The following ZFHX3 variants were observed in gnomAD, a reference collection of about 807,000 sequenced individuals.
ZFHX3 encodes the protein zinc finger homeobox 3.
ZFHX3 carries 42 observed loss-of-function variants against 279.1 expected under a neutral mutation model. The observed-to-expected ratio is 0.15, with a 90% CI of 0.12 to 0.19. ZFHX3 has a LOEUF of 0.19. Among genes scored for constraint, ZFHX3 ranks in the 10% least tolerant of loss-of-function variants. The pLI is 1.00. For synonymous variants in ZFHX3, 2,293 were observed against 1,957.8 expected, an observed-to-expected ratio of 1.17 and a Z score of -4.52; for missense variants, 4,981 against 4,754.0, an observed-to-expected ratio of 1.05 and a Z score of -1.40.
intron 1 of ZFHX3, among the ~76,000 whole-genome samples, chr16:73,863,959 A>G (rs75084796): frequency 0.022 from 3,370 of 152,258 alleles, 99 homozygotes; most frequent in African/African-American, 0.07. Context: ...ACAAGTACCC[A>G]TCACTCCCAC....
At position 72,960,020 on chromosome 16, in the gene ZFHX3, G is replaced by A. The variant is rs773642965; in HGVS notation, c.126C>T (p.Ser42=). The A allele has an allele frequency of 2.4e-5, 38 of 1,613,898 alleles. 1 individual carries two copies. In the South Asian group the frequency reaches 2.6e-4, roughly 11 times the overall value. ...LPDKPSSMEQ[S]TGESHGPLDS... ...CCAAGGGCCCGTGGCTCTCGCCTGT[G>A]GACTGCTCCATGCTACTGGGTTTGT... Residue 42 remains serine, a synonymous_variant, in exon 2 of 10, where the codon TCC becomes TCT. Transcript: ENST00000268489.
At chr16:73,134,224 C>T (rs60753786) in intron 6 of ZFHX3, among the ~76,000 whole-genome samples, 1 of 151,364 alleles carries the variant, frequency 6.6e-6, no homozygotes, top group East Asian at 2.0e-4. Flanking sequence ...CCACTCACAA[C>T]TCAGATGACC....
intron 1 of ZFHX3, among the ~76,000 whole-genome samples, chr16:72,965,793 A>T (rs1961806749): frequency 6.6e-6 from 1 of 152,228 alleles, no homozygotes. Context: ...ATATACTGTA[A>T]GTTCTTCATA....
At chr16:73,642,393 T>G (rs957610218) in intron 2 of ZFHX3, among the ~76,000 whole-genome samples, 3 of 152,200 alleles carry the variant, frequency 2.0e-5, no homozygotes, top group Non-Finnish European at 2.9e-5. Context: ...GCTCTCTTTT[T>G]ACTTCTGTCA....
At chr16:73,436,879 C>T (rs2018008891) in intron 3 of ZFHX3, among the ~76,000 whole-genome samples, 1 of 152,122 alleles carries the variant, frequency 6.6e-6, no homozygotes, top group Admixed American at 6.5e-5. Context: ...TAGAGCTTCC[C>T]AAGACCCTCC....
In ZFHX3 at chr16:72,786,882, G is replaced by A. The variant is rs1038883541; in HGVS notation, c.*282C>T. On this transcript the variant is annotated 3_prime_UTR_variant, in exon 10 of 10. Transcript: ENST00000268489. The stretch of plus-strand genomic sequence containing the variant: ...CATTAGGGAGGCCCTGCGGACTTCT[G>A]TTTCCCAGACCAATAGTACCTTCAA... The A allele has an allele frequency of 1.1e-4, 22 of 194,740 alleles. No homozygotes were observed. The highest frequency in any genetic ancestry group is 4.9e-4 in the African/African-American group (21 of 42,452). 12.1% of individuals were successfully genotyped at this position (194,740 alleles called of 1,614,324 possible).
intron 5 of ZFHX3, among the ~76,000 whole-genome samples, chr16:73,171,105 C>G (rs1967511825): frequency 6.6e-6 from 1 of 152,128 alleles, no homozygotes; most frequent in Admixed American, 6.5e-5. Context: ...TTCCAAAGAG[C>G]CTCTCAAATA....
At chr16:73,607,785 G>A (rs1272604430) in intron 2 of ZFHX3, among the ~76,000 whole-genome samples, 1 of 152,178 alleles carries the variant, frequency 6.6e-6, no homozygotes, top group Non-Finnish European at 1.5e-5. Flanking sequence ...ATGGGAGAAG[G>A]TCCTGTGCGG....
At chr16:73,837,475 T>C (rs1961172362) in intron 1 of ZFHX3, among the ~76,000 whole-genome samples, 2 of 152,200 alleles carry the variant, frequency 1.3e-5, no homozygotes, top group Non-Finnish European at 2.9e-5. Context: ...ACTTTAAATA[T>C]GTTAAAGGTG....
rs11864579 is a variant in ZFHX3, at chr16:73,038,190, G to C, written c.-50+9562C>G. 7.0e-3 allele frequency among the ~76,000 whole-genome samples: 1,063 copies of C among 152,136 alleles called. 8 individuals carry two copies. The highest frequency in any genetic ancestry group is 0.02 in the African/African-American group (844 of 41,494). Reference sequence around the variant, plus strand: ...AACCTGAAGCATTAGTCTGTGTGGTGCGAGAGTCCACGGGGCCCTCGGGAT... The same window carrying C: ...AACCTGAAGCATTAGTCTGTGTGGTCCGAGAGTCCACGGGGCCCTCGGGAT... On this transcript the variant is annotated intron_variant, in intron 1 of 9. Coordinates refer to ENST00000268489, the MANE Select transcript of ZFHX3 (RefSeq NM_006885.4).
chr16:72,991,756 G>T (rs533270962), intron 1 of ZFHX3, among the ~76,000 whole-genome samples: 7 of 152,236 alleles, frequency 4.6e-5, no homozygotes, highest in Non-Finnish European at 1.0e-4. Context: ...TTCCAGGCCA[G>T]TGTCTTTTCC....
intron 4 of ZFHX3, among the ~76,000 whole-genome samples, chr16:72,869,394 T>TAAATAA (rs1016925475): frequency 7.2e-5 from 11 of 152,052 alleles, no homozygotes; most frequent in Non-Finnish European, 1.3e-4. Context: ...TTTTTTTTCT[T>TAAATAA]AAATAAAAGA....
intron 2 of ZFHX3, among the ~76,000 whole-genome samples, chr16:73,539,487 T>C (rs1216981988): frequency 7.0e-6 from 1 of 142,654 alleles, no homozygotes; most frequent in East Asian, 2.1e-4. Flanking sequence ...CTTATACCGC[T>C]GTTTATTACC....
intron 2 of ZFHX3, among the ~76,000 whole-genome samples, chr16:73,604,581 T>C (rs1360110031): frequency 6.6e-6 from 1 of 151,920 alleles, no homozygotes; most frequent in Non-Finnish European, 1.5e-5. Context: ...TAGTCTCTAC[T>C]AAAAATACAA....
chr16:73,247,523 T>C (rs1172158332), intron 5 of ZFHX3, among the ~76,000 whole-genome samples: 1 of 151,308 alleles, frequency 6.6e-6, no homozygotes, highest in Non-Finnish European at 1.5e-5. Context: ...GTTTGTATAC[T>C]ACGTATATAA....
chr16:73,576,538 T>G (rs1567523204), intron 2 of ZFHX3, among the ~76,000 whole-genome samples: 2 of 152,138 alleles, frequency 1.3e-5, no homozygotes, highest in Non-Finnish European at 2.9e-5. Flanking sequence ...AAATGATTCT[T>G]CCGTCATCAT....
Position 72,858,512 on chromosome 16 carries a change from G to A in ZFHX3, c.3449-28653C>T, listed in dbSNP as rs148938854. ...TTTATTCTCTTTCATAGAAGCAAAT[G>A]GATCTGGTGCTTTTATACATTAATC... On this transcript the variant is annotated intron_variant, in intron 4 of 9. Transcript: ENST00000268489. 3.1e-4 allele frequency among the ~76,000 whole-genome samples: 47 copies of A among 152,238 alleles called. No individual in the cohort carries two copies. In the East Asian group the frequency reaches 5.4e-3, roughly 18 times the overall value.
chr16:72,978,280 T>C (rs1019495190), intron 1 of ZFHX3, among the ~76,000 whole-genome samples: 1 of 152,242 alleles, frequency 6.6e-6, no homozygotes, highest in Admixed American at 6.5e-5. Context: ...TGTGGGTTTT[T>C]ATTTTTATTT....
chr16:73,751,826 A>G (rs2053764980), intron 1 of ZFHX3, among the ~76,000 whole-genome samples: 1 of 152,146 alleles, frequency 6.6e-6, no homozygotes, highest in Non-Finnish European at 1.5e-5. Context: ...TGTATCAGAG[A>G]TGCCTGTTGA....
Sources: allele counts gnomAD v4.1 joint callset (sites outside exome capture counted in the v4.1 genomes callset), GRCh38; gene constraint gnomAD v4.1.1; transcripts MANE v1.5; gene names NCBI Gene and HGNC (gene_info 2026-07-23, HGNC 2026-07-21).